Variants in LRRC37A2 observed in about 807,000 individuals in gnomAD.
The protein encoded by LRRC37A2 is leucine rich repeat containing 37 member A2, also known as leucine-rich repeat-containing protein 37A2.
A neutral mutation model predicts 68.8 loss-of-function variants in LRRC37A2; 9 were observed. The ratio of observed to expected loss-of-function variants is 0.13; its 90% confidence interval spans 0.08 to 0.23. The LOEUF is 0.23. LRRC37A2 is among the 10% of genes least tolerant of loss of function. The pLI, the probability that LRRC37A2 is intolerant of heterozygous loss-of-function variation, is 1.00. For synonymous variants in LRRC37A2, 63 were observed against 367.6 expected (o/e 0.17, Z 9.48); for missense variants, 168 against 950.4 (o/e 0.18, Z 10.82).
At chr17:46,897,422 C>T in the LRRC37A2 span, among the ~76,000 whole-genome samples, 6 of 152,174 alleles carry the variant, frequency 3.9e-5, no homozygotes, top group Non-Finnish European at 8.8e-5. Context: ...TCTGGAACCA[C>T]TTGGACCACA....
the LRRC37A2 span, among the ~76,000 whole-genome samples, chr17:46,860,908 G>C: frequency 6.6e-6 from 1 of 152,114 alleles, no homozygotes; most frequent in Non-Finnish European, 1.5e-5. Flanking sequence ...ACCCAGACTA[G>C]AGTGCAATGG....
chr17:47,018,760 C>T, the LRRC37A2 span: 12 of 1,520,992 alleles, frequency 7.9e-6, no homozygotes, highest in African/African-American at 1.5e-4. Flanking sequence ...GCTCAGACTC[C>T]AGAGTTTCCT....
chr17:46,716,490 C>G, the LRRC37A2 span, among the ~76,000 whole-genome samples: 1 of 152,156 alleles, frequency 6.6e-6, no homozygotes, highest in African/African-American at 2.4e-5. Context: ...ATCTCCTGAC[C>G]TCATGATCCG....
chr17:46,825,250 T>A, the LRRC37A2 span, among the ~76,000 whole-genome samples: 1 of 152,110 alleles, frequency 6.6e-6, no homozygotes, highest in East Asian at 1.9e-4. Flanking sequence ...CTAGAGCTCC[T>A]GAGTTTTCCT....
At chr17:46,730,470 A>G in the LRRC37A2 span, among the ~76,000 whole-genome samples, 5 of 152,274 alleles carry the variant, frequency 3.3e-5, no homozygotes, top group Admixed American at 3.3e-4. Context: ...TTGTGATCCA[A>G]AGTAGATACT....
At chr17:46,945,869 C>G in the LRRC37A2 span, among the ~76,000 whole-genome samples, 6 of 152,166 alleles carry the variant, frequency 3.9e-5, no homozygotes, top group African/African-American at 1.4e-4. Flanking sequence ...GAGATAAACC[C>G]CTGATCGCTG....
the LRRC37A2 span, among the ~76,000 whole-genome samples, chr17:46,991,306 A>G: frequency 6.6e-6 from 1 of 152,150 alleles, no homozygotes; most frequent in Non-Finnish European, 1.5e-5. Flanking sequence ...ATTAAGTTTC[A>G]TTTAAAGAAG....
At chr17:46,773,829 T>C in the LRRC37A2 span, 12 of 1,613,234 alleles carry the variant, frequency 7.4e-6, no homozygotes, top group African/African-American at 1.3e-5. Context: ...GCGCAGTTGC[T>C]TGGGGACCAG....
chr17:46,554,946 CCTTCTGGGCAGACATGGAGAG>C, intron 12 of LRRC37A2, 185 bp from the exon 12 acceptor site: 1 of 309,864 alleles, frequency 3.2e-6, no homozygotes. Context: ...ATTGTGGGGC[CCTTCTGGGCAGACATGGAGAG>C]CTTCTGAAAG....
the LRRC37A2 span, among the ~76,000 whole-genome samples, chr17:47,004,127 G>A: frequency 1.3e-5 from 2 of 152,140 alleles, no homozygotes; most frequent in Non-Finnish European, 2.9e-5. Flanking sequence ...TCATTGATAG[G>A]CATTTGGGTT....
chr17:47,009,141 A>G, the LRRC37A2 span, among the ~76,000 whole-genome samples: 1 of 152,186 alleles, frequency 6.6e-6, no homozygotes, highest in East Asian at 1.9e-4. Flanking sequence ...TCAAAAAAAA[A>G]AAAGCAAAGA....
At chr17:46,886,230 T>A in the LRRC37A2 span, 1 of 152,256 alleles carries the variant, frequency 6.6e-6, no homozygotes, top group Non-Finnish European at 1.5e-5. Context: ...CATGCACTAG[T>A]TGCATTGGTA....
At chr17:46,759,578 G>A in the LRRC37A2 span, among the ~76,000 whole-genome samples, 1 of 152,224 alleles carries the variant, frequency 6.6e-6, no homozygotes, top group Non-Finnish European at 1.5e-5. Flanking sequence ...AACAGTGGCA[G>A]TGTAGCAGCA....
the LRRC37A2 span, among the ~76,000 whole-genome samples, chr17:46,894,048 G>C: frequency 6.6e-6 from 1 of 152,220 alleles, no homozygotes; most frequent in South Asian, 2.1e-4. Flanking sequence ...TCGCCCCCAA[G>C]ATTTGGAGAA....
the LRRC37A2 span, among the ~76,000 whole-genome samples, chr17:46,760,083 C>T: frequency 1.3e-5 from 2 of 152,122 alleles, no homozygotes; most frequent in African/African-American, 2.4e-5. Flanking sequence ...GTGGGCAACA[C>T]AGCAAGACCC....
the LRRC37A2 span, among the ~76,000 whole-genome samples, chr17:46,847,724 CCAGTG>C: frequency 6.6e-6 from 1 of 152,156 alleles, no homozygotes; most frequent in Non-Finnish European, 1.5e-5. Context: ...GAGTTCATTT[CCAGTG>C]CAGTTTGAGG....
the LRRC37A2 span, among the ~76,000 whole-genome samples, chr17:46,934,255 A>G: frequency 6.8e-6 from 1 of 147,952 alleles, no homozygotes; most frequent in African/African-American, 2.6e-5. Flanking sequence ...TTTTTCATCT[A>G]TAAAATGGGG....
chr17:47,012,334 T>C, the LRRC37A2 span, among the ~76,000 whole-genome samples: 1 of 152,166 alleles, frequency 6.6e-6, no homozygotes, highest in Non-Finnish European at 1.5e-5. Flanking sequence ...TGCAATGATT[T>C]CTTAGATATG....
At chr17:46,851,638 C>T in the LRRC37A2 span, 1 of 1,275,108 alleles carries the variant, frequency 7.8e-7, no homozygotes, top group African/African-American at 1.6e-5. This position sits in a 1 kb window ranked among gnomAD's most constrained non-coding sequence, Gnocchi z 4.3. Context: ...CCGCCAGCAC[C>T]ATGCGCCCCC....
Sources: allele counts gnomAD v4.1 joint callset (sites outside exome capture counted in the v4.1 genomes callset), GRCh38; gene constraint gnomAD v4.1.1; non-coding constraint Gnocchi (gnomAD v3.1); transcripts MANE v1.5; gene names NCBI Gene and HGNC (gene_info 2026-07-23, HGNC 2026-07-21).